BAZ2B: variants seen among roughly 807,000 people sequenced by gnomAD.
BAZ2B encodes the protein bromodomain adjacent to zinc finger domain 2B, also known as bromodomain adjacent to zinc finger domain protein 2B.
BAZ2B carries 91 observed loss-of-function variants against 246.0 expected under a neutral mutation model. The observed-to-expected ratio is 0.37, with a 90% CI of 0.31 to 0.44. The LOEUF is 0.44. BAZ2B is among the 20% of genes least tolerant of loss of function. The pLI, the probability that BAZ2B is intolerant of heterozygous loss-of-function variation, is 1.00. For synonymous variants in BAZ2B, 855 were observed against 860.0 expected, an observed-to-expected ratio of 0.99 and a Z score of 0.10; for missense variants, 2,332 against 2,533.7, an observed-to-expected ratio of 0.92 and a Z score of 1.71.
chr2:159,682,909 T>TCCCCCCCCC, the BAZ2B span, among the ~76,000 whole-genome samples: 1 of 131,744 alleles, frequency 7.6e-6, no homozygotes, highest in Non-Finnish European at 1.6e-5. Context: ...CTGCCACCCC[T>TCCCCCCCCC]CCCCCCCCCC....
chr2:159,389,264 C>T (rs1055605622), intron 21 of BAZ2B, 81 bp downstream of exon 21: 32 of 1,343,444 alleles, frequency 2.4e-5, no homozygotes, highest in Middle Eastern at 2.0e-4. Flanking sequence ...TTCACAATAG[C>T]AGCTCTGGCA....
chr2:159,559,007 A>C (rs1398566355), intron 1 of BAZ2B, among the ~76,000 whole-genome samples: 2 of 152,178 alleles, frequency 1.3e-5, no homozygotes, highest in East Asian at 3.9e-4. Flanking sequence ...TGGGAGGCTG[A>C]GGCAAGCAGA....
chr2:159,699,091 C>T, the BAZ2B span, among the ~76,000 whole-genome samples: 2 of 152,106 alleles, frequency 1.3e-5, no homozygotes, highest in African/African-American at 4.8e-5. Context: ...GGTAACGGAG[C>T]AAGGAATATA....
At chr2:159,549,277 T>C (rs1225907905) in intron 2 of BAZ2B, among the ~76,000 whole-genome samples, 2 of 152,108 alleles carry the variant, frequency 1.3e-5, no homozygotes, top group Non-Finnish European at 2.9e-5. Context: ...CGAGACTCTG[T>C]CTCAAAAACA....
chr2:159,690,878 T>A, the BAZ2B span, among the ~76,000 whole-genome samples: 1 of 116,986 alleles, frequency 8.5e-6, no homozygotes, highest in Admixed American at 1.0e-4. Context: ...TACTGATTCC[T>A]CTTGTTTAAC....
chr2:159,647,623 T>C, the BAZ2B span, among the ~76,000 whole-genome samples: 1 of 152,208 alleles, frequency 6.6e-6, no homozygotes, highest in East Asian at 1.9e-4. Flanking sequence ...TTCCCTTGAT[T>C]ATTCATTTTG....
At chr2:159,487,271 G>C (rs904751878) in intron 2 of BAZ2B, among the ~76,000 whole-genome samples, 8 of 152,160 alleles carry the variant, frequency 5.3e-5, no homozygotes, top group African/African-American at 1.9e-4. Context: ...AGAGGCTCTA[G>C]CTCTGGCCCA....
intron 3 of BAZ2B, among the ~76,000 whole-genome samples, chr2:159,454,264 T>C (rs1036586888): frequency 3.9e-5 from 6 of 152,188 alleles, no homozygotes; most frequent in African/African-American, 4.8e-5. Flanking sequence ...AGCAAGGCCA[T>C]CCCAGTTTCA....
At chr2:159,655,374 T>C in the BAZ2B span, among the ~76,000 whole-genome samples, 30 of 152,342 alleles carry the variant, frequency 2.0e-4, no homozygotes, top group African/African-American at 7.0e-4. Context: ...ACTTTAAATA[T>C]GCCATTGTAT....
At chr2:159,325,501 ATACTTT>A in intron 35 of BAZ2B, 146 bp downstream of exon 35, 2 of 813,988 alleles carry the variant, frequency 2.5e-6, no homozygotes, top group Non-Finnish European at 3.7e-6. Context: ...TACATTTACT[ATACTTT>A]TACTTATATA....
chr2:159,505,393 T>C (rs1350921763), intron 2 of BAZ2B, among the ~76,000 whole-genome samples: 1 of 152,160 alleles, frequency 6.6e-6, no homozygotes, highest in Admixed American at 6.5e-5. Flanking sequence ...AGATCAATTA[T>C]ATCAGAATCT....
the BAZ2B span, among the ~76,000 whole-genome samples, chr2:159,626,857 C>T: frequency 6.6e-6 from 1 of 152,034 alleles, no homozygotes; most frequent in African/African-American, 2.4e-5. Context: ...AAAAACCCTT[C>T]AAAAAATCAA....
the BAZ2B span, among the ~76,000 whole-genome samples, chr2:159,654,027 C>T: frequency 1.3e-5 from 2 of 152,064 alleles, no homozygotes; most frequent in Non-Finnish European, 2.9e-5. Flanking sequence ...CTTTAAACAA[C>T]AATAAGCCAA....
At chr2:159,351,288 A>T (rs767316435) in intron 27 of BAZ2B, among the ~76,000 whole-genome samples, 1 of 152,154 alleles carries the variant, frequency 6.6e-6, no homozygotes, top group South Asian at 2.1e-4. Flanking sequence ...ACACCTTGAC[A>T]TGTCGATAAA....
chr2:159,607,423 CAG>C (rs1211323498), intron 1 of BAZ2B, among the ~76,000 whole-genome samples: 3 of 152,132 alleles, frequency 2.0e-5, no homozygotes, highest in Non-Finnish European at 4.4e-5. Context: ...AATCTCAAAA[CAG>C]AAGATTTGAA....
chr2:159,502,625 C>T (rs1185412770), intron 2 of BAZ2B, among the ~76,000 whole-genome samples: 1 of 152,076 alleles, frequency 6.6e-6, no homozygotes, highest in African/African-American at 2.4e-5. Flanking sequence ...TAGAGCAAGA[C>T]CGTCTCCAAA....
chr2:159,536,153 G>T (rs895301900), intron 2 of BAZ2B: 2 of 152,128 alleles, frequency 1.3e-5, no homozygotes, highest in Non-Finnish European at 2.9e-5. Flanking sequence ...TTCCAACACT[G>T]AACAGACATA....
At chr2:159,397,291 A>C in intron 19 of BAZ2B, 54 bp downstream of exon 19, 1 of 1,372,720 alleles carries the variant, frequency 7.3e-7, no homozygotes, top group Non-Finnish European at 1.0e-6. Flanking sequence ...AAATAGGTTT[A>C]AGCAATATTA....
intron 9 of BAZ2B, 137 bp downstream of exon 9, chr2:159,432,620 G>T (rs2071350941): frequency 8.5e-7 from 1 of 1,171,544 alleles, no homozygotes; most frequent in Admixed American, 2.6e-5. Context: ...TATTTTATGA[G>T]CTCATTATAG....
Sources: gnomAD v4.1 joint callset for allele counts (sites outside exome capture counted in the v4.1 genomes callset) on GRCh38, gnomAD v4.1.1 for gene constraint, MANE v1.5 for transcripts, NCBI Gene and HGNC (gene_info 2026-07-23, HGNC 2026-07-21) for gene names.